IMMP2L: variants seen among roughly 807,000 people sequenced by gnomAD.
IMMP2L encodes the protein inner mitochondrial membrane peptidase subunit 2.
A neutral mutation model predicts 19.3 loss-of-function variants in IMMP2L; 18 were observed. The observed-to-expected ratio is 0.93, with a 90% CI of 0.64 to 1.38. The LOEUF is 1.38. Ranked by LOEUF, IMMP2L falls within the 40% of genes most tolerant of loss-of-function variation. The probability of loss-of-function intolerance (pLI) is 0.00; values close to 1 mark genes in which losing one functional copy is unlikely to be tolerated. For missense variants in IMMP2L, 233 were observed against 218.2 expected (o/e 1.07, Z -0.43); for synonymous variants, 76 against 73.0 (o/e 1.04, Z -0.21).
intron 5 of IMMP2L, among the ~76,000 whole-genome samples, chr7:110,755,847 A>G (rs1333109381): frequency 6.6e-6 from 1 of 152,100 alleles, no homozygotes; most frequent in Non-Finnish European, 1.5e-5. Context: ...ATTTGGTTGA[A>G]TAAGCACTAG....
At chr7:111,183,047 A>T (rs1807885038) in intron 3 of IMMP2L, among the ~76,000 whole-genome samples, 1 of 152,092 alleles carries the variant, frequency 6.6e-6, no homozygotes, top group Admixed American at 6.6e-5. Context: ...AAAGTGGTTA[A>T]GACATATTAA....
In IMMP2L at chr7:110,721,643, T is replaced by C. The variant is rs1456275369; in HGVS notation, c.409-57922A>G. ...TTAGAGAACATTTCAGTCTCTTCAA[T>C]TACCTCAGAACTATCAGTATAACCA... On this transcript the variant is annotated intron_variant, in intron 5 of 5. Transcript: ENST00000405709. 9.2e-5 allele frequency among the ~76,000 whole-genome samples: 14 copies of C among 152,274 alleles called. No individual in the cohort carries two copies. The South Asian group carries it at 2.9e-3, about 32-fold the overall frequency.
At chr7:110,774,827 G>T (rs977346024) in intron 5 of IMMP2L, among the ~76,000 whole-genome samples, 5 of 151,978 alleles carry the variant, frequency 3.3e-5, no homozygotes, top group Admixed American at 6.6e-5. Context: ...AAGGCCTAAG[G>T]ACTCATTTCT....
chr7:110,999,859 G>C (rs1045899563), intron 3 of IMMP2L, among the ~76,000 whole-genome samples: 1 of 152,076 alleles, frequency 6.6e-6, no homozygotes, highest in Non-Finnish European at 1.5e-5. Context: ...AATTTTGACT[G>C]GGGTATTTGT....
At chr7:110,951,268 A>G (rs2129554188) in intron 4 of IMMP2L, among the ~76,000 whole-genome samples, 1 of 150,800 alleles carries the variant, frequency 6.6e-6, no homozygotes, top group East Asian at 2.0e-4. Flanking sequence ...TAGATCTCAT[A>G]TAAAGTATTG....
intron 3 of IMMP2L, among the ~76,000 whole-genome samples, chr7:111,204,163 C>T (rs1441218918): frequency 2.0e-5 from 3 of 152,150 alleles, no homozygotes; most frequent in Non-Finnish European, 4.4e-5. Flanking sequence ...TTCTGTCCAA[C>T]AATGTTTCAA....
rs920168982 is a variant in IMMP2L at position 110,873,186 on chromosome 7, CAT to C, written c.408+13405_408+13406del. Among the ~76,000 whole-genome samples the C allele has an allele frequency of 3.9e-5, 6 of 152,018 alleles. No individual in the cohort carries two copies. The East Asian group carries it at 5.8e-4, about 15-fold the overall frequency. ...ATCCCAGCACCTTGGGAGGCCAAGA[CAT>C]GTGGATCACTTGAGGAAGGCCAGGA... On this transcript the variant is annotated intron_variant, in intron 5 of 5. Coordinates refer to ENST00000405709, the MANE Select transcript of IMMP2L (RefSeq NM_032549.4).
At chr7:111,101,623 GTCTT>G (rs1277561341) in intron 3 of IMMP2L, among the ~76,000 whole-genome samples, 56 of 151,536 alleles carry the variant, frequency 3.7e-4, no homozygotes, top group African/African-American at 1.3e-3. Context: ...TAGGTATACT[GTCTT>G]GTATATTTCC....
intron 3 of IMMP2L, among the ~76,000 whole-genome samples, chr7:110,999,979 C>T (rs953433410): frequency 6.6e-6 from 1 of 152,152 alleles, no homozygotes; most frequent in Non-Finnish European, 1.5e-5. Context: ...AAGAGCTCTA[C>T]TCCCTTTTCT....
At chr7:111,271,001 C>G (rs1701944983) in intron 3 of IMMP2L, among the ~76,000 whole-genome samples, 1 of 152,130 alleles carries the variant, frequency 6.6e-6, no homozygotes, top group Non-Finnish European at 1.5e-5. Context: ...TGTCCCCACC[C>G]AAATCTCATC....
At chr7:110,714,584 CTTTG>C (rs750709006) in intron 5 of IMMP2L, among the ~76,000 whole-genome samples, 26 of 151,992 alleles carry the variant, frequency 1.7e-4, no homozygotes, top group Admixed American at 1.2e-3. Context: ...TGGTACAGAG[CTTTG>C]TTTGTTTGTT....
intron 3 of IMMP2L, among the ~76,000 whole-genome samples, chr7:111,238,615 A>C (rs561169386): frequency 6.6e-6 from 1 of 152,092 alleles, no homozygotes; most frequent in South Asian, 2.1e-4. Context: ...AATGAAAAAG[A>C]AAGGTTTTAG....
chr7:110,866,894 A>G (rs918172543), intron 5 of IMMP2L, among the ~76,000 whole-genome samples: 5 of 152,144 alleles, frequency 3.3e-5, no homozygotes, highest in African/African-American at 1.2e-4. Context: ...CACGAAATAC[A>G]TTAAAAGAAC....
intron 3 of IMMP2L, among the ~76,000 whole-genome samples, chr7:111,063,513 C>T (rs1794215150): frequency 6.6e-6 from 1 of 152,214 alleles, no homozygotes; most frequent in Non-Finnish European, 1.5e-5. Flanking sequence ...ATTTCTGCAG[C>T]AGGCTTGAAT....
intron 2 of IMMP2L, among the ~76,000 whole-genome samples, chr7:111,500,460 G>A (rs1844090742): frequency 1.3e-5 from 2 of 152,144 alleles, no homozygotes; most frequent in Admixed American, 6.5e-5. Context: ...AGAGAGTAGT[G>A]GTTCTCCCAG....
At chr7:111,356,981 A>G (rs1009940265) in intron 3 of IMMP2L, among the ~76,000 whole-genome samples, 2 of 152,142 alleles carry the variant, frequency 1.3e-5, no homozygotes, top group African/African-American at 4.8e-5. Context: ...AGATGGTGCC[A>G]TTGCACTCCA....
In IMMP2L at chr7:110,889,477, T is replaced by C. The variant is rs77782223; in HGVS notation, c.306-2782A>G. Among the ~76,000 whole-genome samples the C allele has an allele frequency of 4.6e-5, 7 of 152,268 alleles. No individual in the cohort carries two copies. In the East Asian group the frequency reaches 1.4e-3, roughly 29 times the overall value. On this transcript the variant is annotated intron_variant, in intron 4 of 5. Coordinates refer to ENST00000405709, the MANE Select transcript of IMMP2L (RefSeq NM_032549.4). ...CAGGGTTCATGCTCCTGTGACACTT[T>C]AATGACACCACTGATTTGGCACGAG...
chr7:110,990,140 A>G (rs1822300184), intron 3 of IMMP2L, among the ~76,000 whole-genome samples: 1 of 152,194 alleles, frequency 6.6e-6, no homozygotes, highest in African/African-American at 2.4e-5. Flanking sequence ...ACATAGCCAC[A>G]CAAATAAGGA....
chr7:111,015,808 T>C (rs1434750985), intron 3 of IMMP2L, among the ~76,000 whole-genome samples: 2 of 152,090 alleles, frequency 1.3e-5, no homozygotes, highest in Non-Finnish European at 2.9e-5. Context: ...ATTGAATGAT[T>C]TAAAAAAAAA....
Sources: gnomAD v4.1 joint callset for allele counts (sites outside exome capture counted in the v4.1 genomes callset) on GRCh38, gnomAD v4.1.1 for gene constraint, MANE v1.5 for transcripts, NCBI Gene and HGNC (gene_info 2026-07-23, HGNC 2026-07-21) for gene names.